Variants in HIKESHI observed in about 807,000 individuals in gnomAD.
The protein encoded by HIKESHI is heat shock protein nuclear import factor hikeshi, also known as protein Hikeshi.
Under a neutral mutation model 25.7 loss-of-function variants are expected in HIKESHI, and 13 were observed. The ratio of observed to expected loss-of-function variants is 0.51; its 90% confidence interval spans 0.33 to 0.80. HIKESHI has a LOEUF of 0.80. Ranked by LOEUF, HIKESHI falls within the 30% of genes least tolerant of loss-of-function variation. The pLI is 0.02. For synonymous variants in HIKESHI, 76 were observed against 78.7 expected (o/e 0.97, Z 0.18); for missense variants, 174 against 229.5 (o/e 0.76, Z 1.56).
chr11:86,314,174 T>C (rs919588325), intron 2 of HIKESHI, among the ~76,000 whole-genome samples: 1 of 152,126 alleles, frequency 6.6e-6, no homozygotes. Flanking sequence ...CTCTTGTAGG[T>C]GTAGAGAAGC....
chr11:86,316,781 T>A (rs1295530200), intron 2 of HIKESHI, among the ~76,000 whole-genome samples: 1 of 13,814 alleles, frequency 7.2e-5, no homozygotes, highest in Admixed American at 8.9e-4. Flanking sequence ...CTTTTTTTTT[T>A]TTTTTTTTTT....
chr11:86,307,923 A>ATAAAATATATATTATGTG lies in HIKESHI; in HGVS notation c.268+1444_268+1445insAATATATATTATGTGTAA, dbSNP rs1565719912. The stretch of plus-strand genomic sequence containing the variant: ...ATAAAATATATATTATGTGTAATAT[A>ATAAAATATATATTATGTG]TAATATATAAAATATATATTATGTG... On this transcript the variant is annotated intron_variant, in intron 2 of 4. Coordinates refer to ENST00000278483, the MANE Select transcript of HIKESHI (RefSeq NM_016401.4). Among the ~76,000 whole-genome samples the ATAAAATATATATTATGTG allele has an allele frequency of 1.1e-3, 119 of 105,310 alleles. 7 individuals carry two copies. The highest frequency in any genetic ancestry group is 5.4e-3 in the African/African-American group (116 of 21,510). 69.1% of individuals were successfully genotyped at this position (105,310 alleles called of 152,430 possible).
intron 3 of HIKESHI, among the ~76,000 whole-genome samples, chr11:86,340,715 G>A (rs61904325): frequency 0.04 from 6,154 of 152,058 alleles, 176 homozygotes; most frequent in Non-Finnish European, 0.059. Flanking sequence ...GCGTGATCTC[G>A]GCTCCTGCAA....
At chr11:86,338,517 A>G (rs1416299777) in intron 3 of HIKESHI, among the ~76,000 whole-genome samples, 1 of 152,190 alleles carries the variant, frequency 6.6e-6, no homozygotes, top group Non-Finnish European at 1.5e-5. Flanking sequence ...AATAGAAAGG[A>G]CGATCATCAG....
At position 86,306,545 on chromosome 11, in the gene HIKESHI, A is replaced by G. The variant is rs531117497; in HGVS notation, c.268+63A>G. 2.9e-5 allele frequency: 28 copies of G among 949,318 alleles called. No individual in the cohort carries two copies. In the South Asian group the frequency reaches 3.5e-4, roughly 12 times the overall value. The allele number at this position is 949,318 out of a possible 1,614,324, so 58.8% of individuals were successfully genotyped here. A position where few individuals can be genotyped will look rare whatever the true frequency, so the allele number is the denominator to read the frequency against. On this transcript the variant is annotated intron_variant, in intron 2 of 4. Coordinates refer to ENST00000278483, the MANE Select transcript of HIKESHI (RefSeq NM_016401.4). ...AAACTTTTTTCTTAAATAGCATAAC[A>G]TGGAATATGACTTTTCCCCCTTTAG...
chr11:86,305,841 AG>A (rs1457688548), intron 1 of HIKESHI, among the ~76,000 whole-genome samples: 1 of 151,924 alleles, frequency 6.6e-6, no homozygotes, highest in African/African-American at 2.4e-5. Flanking sequence ...CCTGGGTTCA[AG>A]CGATTCTCCT....
chr11:86,304,973 A>T (rs1210399418), intron 1 of HIKESHI, among the ~76,000 whole-genome samples: 1 of 152,098 alleles, frequency 6.6e-6, no homozygotes, highest in African/African-American at 2.4e-5. Flanking sequence ...TTACTTCTGG[A>T]TTGCTTACCT....
intron 2 of HIKESHI, among the ~76,000 whole-genome samples, chr11:86,336,471 A>T (rs1947564704): frequency 6.6e-6 from 1 of 152,140 alleles, no homozygotes; most frequent in South Asian, 2.1e-4. Context: ...TAATAAGAAG[A>T]TCACTTGCCC....
intron 3 of HIKESHI, among the ~76,000 whole-genome samples, chr11:86,338,823 A>T (rs1339827178): frequency 6.6e-6 from 1 of 152,234 alleles, no homozygotes; most frequent in African/African-American, 2.4e-5. Flanking sequence ...TGTAGACAAT[A>T]TTTTAAAAGT....
rs112703901 is a variant in HIKESHI at position 86,329,320 on chromosome 11, T to C, written c.269-8059T>C. ...CTGTGGTTTGATTACCCATTCCTCA[T>C]TGGGCATTTTGGCTTTTTTTCTAAA... On this transcript the variant is annotated intron_variant, in intron 2 of 4. Coordinates refer to ENST00000278483, the MANE Select transcript of HIKESHI (RefSeq NM_016401.4). Among the ~76,000 whole-genome samples, 558 of 152,300 alleles carry C rather than the reference T, an allele frequency of 3.7e-3. 3 individuals carry two copies. Among genetic ancestry groups the C allele is most frequent in the African/African-American group, 0.013 (534 of 41,586 alleles).
At chr11:86,312,473 C>A (rs1946859314) in intron 2 of HIKESHI, among the ~76,000 whole-genome samples, 1 of 152,170 alleles carries the variant, frequency 6.6e-6, no homozygotes, top group African/African-American at 2.4e-5. Flanking sequence ...AGATGGGTCT[C>A]CTGAATACAG....
chr11:86,345,579 T>A lies in HIKESHI; in HGVS notation c.540-5T>A. ...GAATGTAAATATATGTGTTTTCTTT[T>A]CTAGGTATGAAAACTTTCAAAGACG... On this transcript the variant is annotated splice_region_variant and splice_polypyrimidine_tract_variant and intron_variant, in intron 4 of 4. Coordinates refer to ENST00000278483, the MANE Select transcript of HIKESHI (RefSeq NM_016401.4). 1 of 1,518,406 alleles carries A rather than the reference T, an allele frequency of 6.6e-7. No homozygotes were observed. Among genetic ancestry groups the A allele is most frequent in the Admixed American group, 1.9e-5 (1 of 53,388 alleles). 94.1% of individuals were successfully genotyped at this position (1,518,406 alleles called of 1,614,324 possible). A position where few individuals can be genotyped will look rare whatever the true frequency, so the allele number is the denominator to read the frequency against.
chr11:86,342,238 G>GA (rs1184921425), intron 3 of HIKESHI, among the ~76,000 whole-genome samples: 5 of 151,906 alleles, frequency 3.3e-5, no homozygotes, highest in African/African-American at 4.8e-5. Context: ...AGTCTTTTGG[G>GA]AAAAAAACCT....
intron 2 of HIKESHI, among the ~76,000 whole-genome samples, chr11:86,315,224 A>G (rs944604679): frequency 3.3e-5 from 5 of 152,244 alleles, no homozygotes; most frequent in African/African-American, 1.2e-4. Flanking sequence ...AGTCATTTAT[A>G]GCTGAACAGC....
chr11:86,315,328 CT>C (rs374495582), intron 2 of HIKESHI, among the ~76,000 whole-genome samples: 25 of 149,042 alleles, frequency 1.7e-4, no homozygotes, highest in Admixed American at 5.4e-4. Flanking sequence ...AAATAACTTC[CT>C]TTTTTTTTTT....
intron 2 of HIKESHI, among the ~76,000 whole-genome samples, chr11:86,320,344 G>A (rs1182426519): frequency 2.0e-5 from 3 of 152,186 alleles, no homozygotes; most frequent in Non-Finnish European, 2.9e-5. Flanking sequence ...TTGGGAGGCC[G>A]AGGCAGGTGG....
At chr11:86,306,918 T>C (rs1482754160) in intron 2 of HIKESHI, among the ~76,000 whole-genome samples, 7 of 150,842 alleles carry the variant, frequency 4.6e-5, no homozygotes, top group African/African-American at 1.5e-4. Flanking sequence ...GAGAATGGTG[T>C]GAACCTGTGA....
At chr11:86,314,926 C>G (rs1197635939) in intron 2 of HIKESHI, among the ~76,000 whole-genome samples, 1 of 152,184 alleles carries the variant, frequency 6.6e-6, no homozygotes, top group Non-Finnish European at 1.5e-5. Context: ...GAAGTCTGTA[C>G]TGTAAATAAG....
At chr11:86,303,426 G>T (rs1373200277) in intron 1 of HIKESHI, 2 of 983,532 alleles carry the variant, frequency 2.0e-6, no homozygotes, top group Non-Finnish European at 2.4e-6. Context: ...ATGACTGGGA[G>T]ACCCCTGTGG....
Sources: gnomAD v4.1 joint callset for allele counts (sites outside exome capture counted in the v4.1 genomes callset) on GRCh38, gnomAD v4.1.1 for gene constraint, MANE v1.5 for transcripts, NCBI Gene and HGNC (gene_info 2026-07-23, HGNC 2026-07-21) for gene names.